The following DOCK9 variants were observed in gnomAD, a reference collection of about 807,000 sequenced individuals.
The protein encoded by DOCK9 is dedicator of cytokinesis protein 9.
A neutral mutation model predicts 263.3 loss-of-function variants in DOCK9; 89 were observed. That is an observed-to-expected ratio of 0.34 (90% confidence interval 0.28 to 0.40). DOCK9 has a LOEUF of 0.40. DOCK9 is among the 10% of genes least tolerant of loss of function. The probability of loss-of-function intolerance (pLI) is 1.00; values close to 1 mark genes in which losing one functional copy is unlikely to be tolerated. For synonymous variants in DOCK9, 976 were observed against 973.1 expected (o/e 1.00, Z -0.06); for missense variants, 2,140 against 2,603.4 (o/e 0.82, Z 3.87).
rs190586725 is a variant in DOCK9, at chr13:98,955,410, C to T, written c.243+25G>A. 514 of 1,481,016 alleles carry T rather than the reference C, an allele frequency of 3.5e-4. 1 individual carries two copies. In the African/African-American group the frequency reaches 4.2e-3, roughly 12 times the overall value. The allele number at this position is 1,481,016 out of a possible 1,614,324, so 91.7% of individuals were successfully genotyped here. On this transcript the variant is annotated intron_variant, in intron 2 of 52. Coordinates refer to ENST00000682017, the MANE Select transcript of DOCK9 (RefSeq NM_001366683.2). The stretch of plus-strand genomic sequence containing the variant: ...TGTTAAGATCAAACACGTGGTTCTA[C>T]GGATAGAAACATAACGTTACTTACC...
At chr13:98,880,241 G>A (rs559864196) in intron 26 of DOCK9, among the ~76,000 whole-genome samples, 5 of 152,144 alleles carry the variant, frequency 3.3e-5, no homozygotes, top group South Asian at 2.1e-4. Flanking sequence ...GGTTACGGGT[G>A]TAGTCTTTCC....
At chr13:99,050,437 G>A (rs762410402) in intron 1 of DOCK9, among the ~76,000 whole-genome samples, 4 of 152,198 alleles carry the variant, frequency 2.6e-5, no homozygotes, top group Non-Finnish European at 5.9e-5. Context: ...GCTCATGCCT[G>A]TAATCCCAGC....
chr13:98,965,754 C>T (rs1176179169), intron 1 of DOCK9, among the ~76,000 whole-genome samples: 2 of 152,164 alleles, frequency 1.3e-5, no homozygotes, highest in Non-Finnish European at 2.9e-5. Flanking sequence ...GCAGTTAATG[C>T]TTTGGAGAAT....
intron 49 of DOCK9, among the ~76,000 whole-genome samples, chr13:98,801,742 T>C (rs1033841115): frequency 6.6e-6 from 1 of 152,216 alleles, no homozygotes; most frequent in African/African-American, 2.4e-5. Flanking sequence ...TCCTGGTCTC[T>C]AGTTAGCAAC....
chr13:99,032,053 G>A (rs982669299), intron 1 of DOCK9, among the ~76,000 whole-genome samples: 3 of 152,194 alleles, frequency 2.0e-5, no homozygotes, highest in Non-Finnish European at 2.9e-5. Flanking sequence ...ATTTCCTGGG[G>A]AGAACTAATG....
chr13:99,046,754 G>A (rs1420473110), intron 1 of DOCK9, among the ~76,000 whole-genome samples: 1 of 152,218 alleles, frequency 6.6e-6, no homozygotes, highest in Non-Finnish European at 1.5e-5. Context: ...TCTCTGCCTA[G>A]ATCTATCACT....
intron 36 of DOCK9, among the ~76,000 whole-genome samples, chr13:98,849,366 T>C (rs967045373): frequency 6.6e-6 from 1 of 151,970 alleles, no homozygotes; most frequent in Non-Finnish European, 1.5e-5. Flanking sequence ...CCCAAAATAA[T>C]AGACATAAAG....
chr13:98,921,106 A>C lies in DOCK9; in HGVS notation c.583-18T>G. The C allele has an allele frequency of 6.3e-7, 1 of 1,589,038 alleles. No homozygotes were observed. Among genetic ancestry groups the C allele is most frequent in the Non-Finnish European group, 8.6e-7 (1 of 1,167,492 alleles). The stretch of plus-strand genomic sequence containing the variant: ...TTAAATGACTGAGAGAAAAATATAC[A>C]CACAGCTATTCTTTCAAAATGAAGA... On this transcript the variant is annotated intron_variant, in intron 6 of 52. Coordinates refer to ENST00000682017, the MANE Select transcript of DOCK9 (RefSeq NM_001366683.2).
In DOCK9 at chr13:98,881,931, G is replaced by C; in HGVS notation, c.2636C>G (p.Thr879Ser). ...TILNQLFRVL[T>S]RATQEEVAVN... ...CGCGACTTCTTCCTGTGTGGCTCTGGTGAGGACTCGGAACAGCTGGTTTAG... is the reference window on the plus strand; with the variant it reads ...CGCGACTTCTTCCTGTGTGGCTCTGCTGAGGACTCGGAACAGCTGGTTTAG... Residue 879 changes from threonine (T) to serine (S), a missense_variant, in exon 24 of 53, where the codon ACC (threonine) becomes AGC (serine). Coordinates refer to ENST00000682017, the MANE Select transcript of DOCK9 (RefSeq NM_001366683.2). 1 of 1,596,966 alleles carries C rather than the reference G, an allele frequency of 6.3e-7. No homozygotes were observed. Among genetic ancestry groups the C allele is most frequent in the Non-Finnish European group, 8.5e-7 (1 of 1,171,834 alleles).
At position 98,825,079 on chromosome 13, in the gene DOCK9, C is replaced by T. The variant is rs1182875074; in HGVS notation, c.5024-575G>A. 6.6e-6 allele frequency among the ~76,000 whole-genome samples: 1 copy of T among 152,142 alleles called. No homozygotes were observed. The highest frequency in any genetic ancestry group is 1.9e-4 in the East Asian group (1 of 5,168). On this transcript the variant is annotated intron_variant, in intron 44 of 52. Coordinates refer to ENST00000682017, the MANE Select transcript of DOCK9 (RefSeq NM_001366683.2). The surrounding 1 kb of genome is among the most constrained non-coding windows in gnomAD (Gnocchi z 4.1). Reference sequence around the variant, plus strand: ...CAGAGGCCCCGGGGTGGGTGGCTGGCTGCATCAACAGAGGGCATGGATGCC... The same window carrying T: ...CAGAGGCCCCGGGGTGGGTGGCTGGTTGCATCAACAGAGGGCATGGATGCC...
intron 1 of DOCK9, among the ~76,000 whole-genome samples, chr13:99,011,540 T>C (rs1884474660): frequency 6.6e-6 from 1 of 152,186 alleles, no homozygotes; most frequent in Non-Finnish European, 1.5e-5. Context: ...AAGAAATTTA[T>C]TCCAGGGCTC....
chr13:98,997,313 C>A (rs1160067313), intron 1 of DOCK9, among the ~76,000 whole-genome samples: 2 of 152,226 alleles, frequency 1.3e-5, no homozygotes, highest in African/African-American at 4.8e-5. Context: ...CCACCCCACG[C>A]CCAGAGGCAA....
At chr13:99,066,508 T>C (rs1463394949) in intron 1 of DOCK9, among the ~76,000 whole-genome samples, 1 of 152,206 alleles carries the variant, frequency 6.6e-6, no homozygotes, top group African/African-American at 2.4e-5. Flanking sequence ...AATAGCATAC[T>C]ATGTTACTTA....
intron 27 of DOCK9, among the ~76,000 whole-genome samples, chr13:98,878,627 G>A (rs1489157658): frequency 6.6e-6 from 1 of 152,234 alleles, no homozygotes; most frequent in East Asian, 1.9e-4. Context: ...GCTCTGGCAT[G>A]ATTTAGATGG....
chr13:99,010,144 T>C (rs1248299227), intron 1 of DOCK9, among the ~76,000 whole-genome samples: 7 of 152,240 alleles, frequency 4.6e-5, no homozygotes, highest in Non-Finnish European at 1.0e-4. Context: ...TGCTCTTCAT[T>C]AAGCAGCTGA....
chr13:98,953,826 CA>C (rs1323454184), intron 2 of DOCK9, among the ~76,000 whole-genome samples: 1 of 152,234 alleles, frequency 6.6e-6, no homozygotes, highest in Non-Finnish European at 1.5e-5. Context: ...GGCATGACCT[CA>C]ACCCATTTAC....
At chr13:98,848,741 T>C (rs1190025481) in intron 36 of DOCK9, 102 bp from the exon 37 acceptor site, 5 of 1,205,138 alleles carry the variant, frequency 4.1e-6, no homozygotes, top group Non-Finnish European at 4.7e-6. Context: ...ACATTATGTC[T>C]AGTACCAGCA....
rs138786554 is a variant in DOCK9, at chr13:99,085,452, G to C, written c.129+771C>G. On this transcript the variant is annotated intron_variant, in intron 1 of 32. Transcript: ENST00000427887. ...GTGCGTTTCCAAATACAGCAGGACC[G>C]GCGCTGGCTGTGAAAAAGTTAATCG... is the stretch of plus-strand genomic sequence containing the variant. Among the ~76,000 whole-genome samples the C allele has an allele frequency of 4.2e-3, 640 of 152,338 alleles. 4 individuals carry two copies. Among genetic ancestry groups the C allele is most frequent in the African/African-American group, 0.014 (598 of 41,572 alleles).
At chr13:99,021,217 C>T (rs74483328) in intron 1 of DOCK9, among the ~76,000 whole-genome samples, 2,560 of 152,230 alleles carry the variant, frequency 0.017, 75 homozygotes, top group African/African-American at 0.058. Flanking sequence ...GGTTTTCTTC[C>T]CTGATAATGA....
Sources: allele counts gnomAD v4.1 joint callset (sites outside exome capture counted in the v4.1 genomes callset), GRCh38; gene constraint gnomAD v4.1.1; non-coding constraint Gnocchi (gnomAD v3.1); transcripts MANE v1.5; gene names NCBI Gene and HGNC (gene_info 2026-07-23, HGNC 2026-07-21).